The following TAFA5 variants were observed in gnomAD, a reference collection of about 807,000 sequenced individuals.
TAFA5 encodes the protein chemokine-like protein TAFA-5.
In TAFA5, 6 loss-of-function variants were observed where a neutral mutation model predicts 15.3. That is an observed-to-expected ratio of 0.39 (90% CI 0.21 to 0.77). TAFA5 has a LOEUF of 0.77. Ranked by LOEUF, TAFA5 falls within the 30% of genes least tolerant of loss-of-function variation. The pLI is 0.41. For missense variants in TAFA5, 161 were observed against 193.1 expected, an observed-to-expected ratio of 0.83 and a Z score of 0.98; for synonymous variants, 103 against 80.7, an observed-to-expected ratio of 1.28 and a Z score of -1.48.
chr22:48,701,671 C>T lies in TAFA5; in HGVS notation c.263-6046C>T, dbSNP rs12168954. Among the ~76,000 whole-genome samples the T allele has an allele frequency of 1.4e-3, 207 of 152,300 alleles. 2 individuals carry two copies. The Middle Eastern group carries it at 0.014, about 10-fold the overall frequency. ...GATTGGGAGCCTGAACAAGGCTGTG[C>T]GGAGGACCTGTGGCCAGCCAGGCCC... On this transcript the variant is annotated intron_variant, in intron 2 of 3. Coordinates refer to ENST00000402357, the MANE Select transcript of TAFA5 (RefSeq NM_001082967.3).
chr22:48,578,650 C>T (rs1218174759), intron 1 of TAFA5, among the ~76,000 whole-genome samples: 1 of 152,214 alleles, frequency 6.6e-6, no homozygotes, highest in South Asian at 2.1e-4. Flanking sequence ...TTGCGGGTCC[C>T]AGTGTTTGCG....
chr22:48,519,141 C>CA (rs1160917621), intron 1 of TAFA5, among the ~76,000 whole-genome samples: 2 of 152,210 alleles, frequency 1.3e-5, no homozygotes, highest in African/African-American at 4.8e-5. Flanking sequence ...TCAAAAGAGA[C>CA]AGAGTAATTT....
chr22:48,748,783 G>A (rs9628532), intron 3 of TAFA5, among the ~76,000 whole-genome samples: 9,069 of 152,224 alleles, frequency 0.06, 361 homozygotes, highest in Admixed American at 0.089. Context: ...CTGCAGTTGC[G>A]AGACCCTCAT....
At chr22:48,522,731 A>C (rs1921647634) in intron 1 of TAFA5, among the ~76,000 whole-genome samples, 1 of 152,156 alleles carries the variant, frequency 6.6e-6, no homozygotes, top group Non-Finnish European at 1.5e-5. Context: ...GTGGCCACTC[A>C]TGGAGGGTCA....
chr22:48,558,832 G>T (rs6007883), intron 1 of TAFA5, among the ~76,000 whole-genome samples: 20 of 152,356 alleles, frequency 1.3e-4, no homozygotes, highest in African/African-American at 4.8e-4. Context: ...TGTGCCAGGT[G>T]CCTGGGCGAA....
chr22:48,560,603 T>A lies in TAFA5; in HGVS notation c.112+70899T>A, dbSNP rs370754075. 4.0e-5 allele frequency among the ~76,000 whole-genome samples: 6 copies of A among 149,416 alleles called. No homozygotes were observed. The highest frequency in any genetic ancestry group is 2.1e-4 in the South Asian group (1 of 4,794). On this transcript the variant is annotated intron_variant, in intron 1 of 3. Transcript: ENST00000402357. The surrounding 1 kb of genome is among the most constrained non-coding windows in gnomAD (Gnocchi z 4.2). ...TATTATTATTATTATATTATTATTA[T>A]TAATTATTTATTTATTTATTTTTGA...
intron 2 of TAFA5, among the ~76,000 whole-genome samples, chr22:48,684,298 A>AGGGCACT (rs1044997628): frequency 6.6e-6 from 1 of 151,844 alleles, no homozygotes; most frequent in Non-Finnish European, 1.5e-5. Context: ...GGGTAGAGGG[A>AGGGCACT]GGGCACTGTG....
At chr22:48,533,050 T>G in intron 1 of TAFA5, among the ~76,000 whole-genome samples, 1 of 151,742 alleles carries the variant, frequency 6.6e-6, no homozygotes, top group Non-Finnish European at 1.5e-5. Context: ...GGGACGGGGG[T>G]TTGCTGACAG....
At chr22:48,645,510 A>G (rs373007106) in intron 1 of TAFA5, among the ~76,000 whole-genome samples, 14 of 152,158 alleles carry the variant, frequency 9.2e-5, no homozygotes, top group Middle Eastern at 3.4e-3. Context: ...CAGGGAAATT[A>G]TTTATGTTGG....
chr22:48,513,966 C>T (rs1315014677), intron 1 of TAFA5, among the ~76,000 whole-genome samples: 2 of 152,126 alleles, frequency 1.3e-5, no homozygotes, highest in Non-Finnish European at 2.9e-5. Flanking sequence ...TCAGAAGACC[C>T]TTCCTCCTGC....
chr22:48,631,780 C>T (rs1419021277), intron 1 of TAFA5, among the ~76,000 whole-genome samples: 2 of 152,134 alleles, frequency 1.3e-5, no homozygotes, highest in African/African-American at 2.4e-5. Context: ...TGCTAGACAT[C>T]GCGGAATGTA....
chr22:48,703,419 C>T (rs554095132), intron 2 of TAFA5, among the ~76,000 whole-genome samples: 6 of 152,230 alleles, frequency 3.9e-5, no homozygotes, highest in Non-Finnish European at 5.9e-5. Context: ...TTTCCGTAGA[C>T]AGCCAGTGGG....
chr22:48,699,314 C>T (rs1306191130), intron 2 of TAFA5, among the ~76,000 whole-genome samples: 3 of 152,158 alleles, frequency 2.0e-5, no homozygotes, highest in African/African-American at 7.2e-5. Context: ...TATGAACGCA[C>T]ACAAAGCTGG....
chr22:48,722,304 C>T (rs1929592111), intron 3 of TAFA5, among the ~76,000 whole-genome samples: 1 of 152,252 alleles, frequency 6.6e-6, no homozygotes, highest in South Asian at 2.1e-4. Flanking sequence ...GGAAAGTGAA[C>T]CCAAGTGTTC....
intron 1 of TAFA5, among the ~76,000 whole-genome samples, chr22:48,607,790 C>T (rs992956604): frequency 2.6e-5 from 4 of 152,080 alleles, no homozygotes; most frequent in African/African-American, 7.2e-5. Context: ...GGAGAGTGGT[C>T]CAGTTCATTA....
At chr22:48,741,304 C>T (rs561820498) in intron 3 of TAFA5, among the ~76,000 whole-genome samples, 19 of 152,168 alleles carry the variant, frequency 1.2e-4, no homozygotes, top group Non-Finnish European at 2.8e-4. Context: ...TCCCTCCCTG[C>T]AAAGCTGGAA....
chr22:48,602,296 C>A (rs906134932), intron 1 of TAFA5, among the ~76,000 whole-genome samples: 1 of 152,216 alleles, frequency 6.6e-6, no homozygotes, highest in African/African-American at 2.4e-5. Flanking sequence ...CGGGGCCACC[C>A]CCCCACAAGC....
intron 3 of TAFA5, among the ~76,000 whole-genome samples, chr22:48,722,934 A>G (rs1031532952): frequency 1.3e-4 from 20 of 152,184 alleles, no homozygotes; most frequent in African/African-American, 4.8e-4. Flanking sequence ...TAATCCAGAA[A>G]GCCACGGAGG....
At chr22:48,567,728 C>G (rs1923455734) in intron 1 of TAFA5, among the ~76,000 whole-genome samples, 1 of 152,172 alleles carries the variant, frequency 6.6e-6, no homozygotes, top group Admixed American at 6.5e-5. Context: ...CTAAGAGCAG[C>G]TCTTAGTTCT....
Sources: gnomAD v4.1 joint callset for allele counts (sites outside exome capture counted in the v4.1 genomes callset) on GRCh38, gnomAD v4.1.1 for gene constraint, Gnocchi (gnomAD v3.1) non-coding constraint, MANE v1.5 for transcripts, NCBI Gene and HGNC (gene_info 2026-07-23, HGNC 2026-07-21) for gene names.